LRGUK: variants seen among roughly 807,000 people sequenced by gnomAD.
LRGUK encodes leucine-rich repeat and guanylate kinase domain-containing protein.
LRGUK carries 65 observed loss-of-function variants against 76.0 expected under a neutral mutation model. The observed-to-expected ratio is 0.85, with a 90% CI of 0.70 to 1.05. LRGUK has a LOEUF of 1.05. Among genes scored for constraint, LRGUK ranks in the 50% least tolerant of loss-of-function variants. The pLI is 0.00. For synonymous variants in LRGUK, 268 were observed against 265.6 expected (o/e 1.01, Z -0.09); for missense variants, 758 against 732.8 (o/e 1.03, Z -0.40).
At chr7:134,170,979 G>T (rs905628517) in intron 7 of LRGUK, among the ~76,000 whole-genome samples, 1 of 151,896 alleles carries the variant, frequency 6.6e-6, no homozygotes, top group Non-Finnish European at 1.5e-5. Context: ...AAATATTTGT[G>T]GTTCATCTTT....
intron 12 of LRGUK, 122 bp downstream of exon 12, chr7:134,191,873 G>T: frequency 1.7e-5 from 10 of 580,400 alleles, no homozygotes; most frequent in South Asian, 9.0e-5. Context: ...TGAGAGGTGA[G>T]TTTTTATGGG....
At chr7:134,139,322 C>T (rs916710031) in intron 2 of LRGUK, 114 bp from the exon 3 acceptor site, 4 of 678,414 alleles carry the variant, frequency 5.9e-6, no homozygotes, top group Non-Finnish European at 1.0e-5. Flanking sequence ...TCTCTCTCTT[C>T]TTCTATACTT....
chr7:134,260,456 A>T (rs1309409892), intron 19 of LRGUK, among the ~76,000 whole-genome samples: 1 of 152,054 alleles, frequency 6.6e-6, no homozygotes, highest in Non-Finnish European at 1.5e-5. Flanking sequence ...GCATTTGAAA[A>T]AACAGCTACC....
intron 14 of LRGUK, among the ~76,000 whole-genome samples, 163 bp from the exon 15 acceptor site, chr7:134,201,318 T>C (rs1015446793): frequency 1.3e-5 from 2 of 152,146 alleles, no homozygotes; most frequent in African/African-American, 4.8e-5. Context: ...GGGGAGGAGA[T>C]TGATTATACA....
At chr7:134,234,304 A>C (rs1416399445) in intron 16 of LRGUK, among the ~76,000 whole-genome samples, 2 of 151,836 alleles carry the variant, frequency 1.3e-5, no homozygotes, top group Non-Finnish European at 2.9e-5. Flanking sequence ...GGTCTTCCTG[A>C]GATGAGATAC....
chr7:134,132,800 A>G (rs550443694), intron 1 of LRGUK, among the ~76,000 whole-genome samples: 1 of 152,322 alleles, frequency 6.6e-6, no homozygotes, highest in African/African-American at 2.4e-5. Context: ...TCTTCCTCTA[A>G]GACCTGAGTG....
chr7:134,157,229 G>A lies in LRGUK; in HGVS notation c.671-806G>A, dbSNP rs934307835. Among the ~76,000 whole-genome samples, 6 of 152,148 alleles carry A rather than the reference G, an allele frequency of 3.9e-5. No homozygotes were observed. In the East Asian group the frequency reaches 5.8e-4, roughly 15 times the overall value. ...TGATTGAATGGAGGTCAATGTAGAC[G>A]GAAAGAAAGGGCTGTTCCTTTCTCT... On this transcript the variant is annotated intron_variant, in intron 5 of 15. Transcript: ENST00000645682.
At chr7:134,256,653 T>G (rs1174545613) in intron 18 of LRGUK, among the ~76,000 whole-genome samples, 7 of 152,124 alleles carry the variant, frequency 4.6e-5, no homozygotes, top group African/African-American at 1.7e-4. Flanking sequence ...AGCATTCTCC[T>G]TCCTCCCCTC....
At chr7:134,233,101 A>G (rs1801939509) in intron 16 of LRGUK, among the ~76,000 whole-genome samples, 1 of 152,222 alleles carries the variant, frequency 6.6e-6, no homozygotes. Flanking sequence ...ACACTCATGT[A>G]TAGGTTACAG....
exon 7 of LRGUK, chr7:134,163,529 G>A: frequency 1.2e-6 from 2 of 1,612,076 alleles, no homozygotes; most frequent in South Asian, 2.2e-5. Flanking sequence ...GATCAACCTG[G>A]AGGATAATAA....
rs1034175392 is a variant in LRGUK at position 134,143,308 on chromosome 7, G to A, written c.588+146G>A. On this transcript the variant is annotated intron_variant, in intron 4 of 15. Transcript: ENST00000645682. ...TGTCTGAAATGAAATAAAAAAGAAG[G>A]CTTTGTGTATACTTTATTTTGGAAA... 4 of 596,888 alleles carry A rather than the reference G, an allele frequency of 6.7e-6. No homozygotes were observed. The African/African-American group carries it at 7.5e-5, about 11-fold the overall frequency. The allele number at this position is 596,888 out of a possible 1,614,324, so 37.0% of individuals were successfully genotyped here. A position where few individuals can be genotyped will look rare whatever the true frequency, so the allele number is the denominator to read the frequency against.
chr7:134,216,478 G>T (rs765822086), intron 15 of LRGUK, among the ~76,000 whole-genome samples: 5 of 152,156 alleles, frequency 3.3e-5, no homozygotes, highest in African/African-American at 1.2e-4. Context: ...TTGCAGTTTG[G>T]AGAAGTGAGT....
At chr7:134,140,555 C>T (rs910193531) in intron 3 of LRGUK, among the ~76,000 whole-genome samples, 14 of 152,104 alleles carry the variant, frequency 9.2e-5, no homozygotes, top group Admixed American at 9.2e-4. Context: ...CTTTAGATTT[C>T]TAGGGAAGTG....
chr7:134,223,009 C>A (rs1448684102), intron 16 of LRGUK, among the ~76,000 whole-genome samples: 1 of 152,174 alleles, frequency 6.6e-6, no homozygotes, highest in East Asian at 1.9e-4. Context: ...AAGTCTTAGG[C>A]TGGGGCATAT....
At position 134,228,161 on chromosome 7, in the gene LRGUK, G is replaced by A. The variant is rs763513017; in HGVS notation, c.1983+6243G>A. On this transcript the variant is annotated intron_variant, in intron 16 of 19. Coordinates refer to the LRGUK transcript ENST00000285928. ...AAGTAATAACAATTAGGTTGACAGC[G>A]ACTTTCCAAAAGAACTCATGAAAGC... Among the ~76,000 whole-genome samples, 8 of 152,238 alleles carry A rather than the reference G, an allele frequency of 5.3e-5. 1 individual carries two copies. The highest frequency in any genetic ancestry group is 1.0e-4 in the Non-Finnish European group (7 of 67,990).
chr7:134,221,854 A>G, exon 16 of LRGUK: 1 of 1,603,330 alleles, frequency 6.2e-7, no homozygotes. Context: ...GATTTCCTGC[A>G]TTCTACAGAC....
chr7:134,227,773 CA>C, intron 16 of LRGUK, among the ~76,000 whole-genome samples: 1 of 151,986 alleles, frequency 6.6e-6, no homozygotes, highest in East Asian at 1.9e-4. Flanking sequence ...AATTGATACC[CA>C]ATTAGACACA....
chr7:134,218,527 T>C (rs1801496014), intron 15 of LRGUK, among the ~76,000 whole-genome samples: 1 of 152,246 alleles, frequency 6.6e-6, no homozygotes, highest in Admixed American at 6.5e-5. Flanking sequence ...TAGAGATTTT[T>C]GTTTTTCAAA....
chr7:134,213,529 G>T (rs1044395464), downstream of LRGUK, among the ~76,000 whole-genome samples: 1 of 152,102 alleles, frequency 6.6e-6, no homozygotes, highest in Non-Finnish European at 1.5e-5. Flanking sequence ...AAGAATTTTC[G>T]AAATTTAAAA....
Sources: gnomAD v4.1 joint callset for allele counts (sites outside exome capture counted in the v4.1 genomes callset) on GRCh38, gnomAD v4.1.1 for gene constraint, MANE v1.5 for transcripts, NCBI Gene and HGNC (gene_info 2026-07-23, HGNC 2026-07-21) for gene names.